ABRAXAS2: variants seen among roughly 807,000 people sequenced by gnomAD.
ABRAXAS2 encodes the protein BRISC complex subunit Abraxas 2.
ABRAXAS2 carries 23 observed loss-of-function variants against 49.0 expected under a neutral mutation model. The ratio of observed to expected loss-of-function variants is 0.47; its 90% CI spans 0.34 to 0.66. The LOEUF (loss-of-function observed/expected upper bound fraction) is 0.66. Ranked by LOEUF, ABRAXAS2 falls within the 30% of genes least tolerant of loss-of-function variation. ABRAXAS2 has a pLI of 0.01. For missense variants in ABRAXAS2, 443 were observed against 511.9 expected, an observed-to-expected ratio of 0.87 and a Z score of 1.30; for synonymous variants, 168 against 180.2, an observed-to-expected ratio of 0.93 and a Z score of 0.54.
Position 124,801,860 on chromosome 10 carries a change from A to G in ABRAXAS2, c.31A>G (p.Ser11Gly). ...GGCGTCCATTTCGGGCTACACCTTC[A>G]GTGCTGTGTGTTTCCACAGCGCCAA... MAASISGYTFSAVCFHSANSN... is the reference protein window; with the variant it reads MAASISGYTFGAVCFHSANSN... Residue 11 changes from serine to glycine, a missense_variant, in exon 1 of 9, where the codon AGT (serine) becomes GGT (glycine). Transcript: ENST00000298492. 6.2e-7 allele frequency: 1 copy of G among 1,613,400 alleles called. No individual in the cohort carries two copies. The highest frequency in any genetic ancestry group is 8.5e-7 in the Non-Finnish European group (1 of 1,179,800).
rs549215580 is a variant in ABRAXAS2, at chr10:124,835,254, G to A, written c.*283G>A. ...TTTAGGCAAAGTGAAACTTATCAGC[G>A]TAGTTTCTGTTCTTTAAAATAAATT... is the stretch of plus-strand genomic sequence containing the variant. On this transcript the variant is annotated 3_prime_UTR_variant, in exon 9 of 9. Transcript: ENST00000298492. 2.2e-5 allele frequency: 6 copies of A among 266,886 alleles called. No homozygotes were observed. In the East Asian group the frequency reaches 2.8e-4, roughly 13 times the overall value. 16.5% of individuals were successfully genotyped at this position (266,886 alleles called of 1,614,324 possible). A position where few individuals can be genotyped will look rare whatever the true frequency, so the allele number is the denominator to read the frequency against.
rs1031798356 is a variant in ABRAXAS2, at chr10:124,834,618, G to A, written c.895G>A (p.Ala299Thr). ...TGAAGGCAGAAGTACACTTGGAGAT[G>A]CAGAGGCCTCGGATCCTCCTCCCCC... ...AAEGRSTLGD[A>T]EASDPPPPYS... is the part of the protein sequence containing the mutation. Residue 299 changes from alanine to threonine, a missense_variant, in exon 9 of 9, where the codon GCA becomes ACA. Physicochemically the swap from Ala to Thr is moderately conservative, Grantham distance 58 (BLOSUM62 0). Around this residue, in one of 3 missense-constraint regions of ABRAXAS2, gnomAD observed 230 missense variants for 237.0 expected, o/e 0.97. Coordinates refer to ENST00000298492, the MANE Select transcript of ABRAXAS2 (RefSeq NM_032182.4). 2 of 1,614,052 alleles carry A rather than the reference G, an allele frequency of 1.2e-6. No individual in the cohort carries two copies. Among genetic ancestry groups the A allele is most frequent in the Non-Finnish European group, 1.7e-6 (2 of 1,180,032 alleles).
chr10:124,835,703 C>G lies in ABRAXAS2; in HGVS notation c.*732C>G, dbSNP rs1237818743. The stretch of plus-strand genomic sequence containing the variant: ...GGATTACAGTGACTACTGTGTTGCA[C>G]TGGCACATTTATGGTCTCTGTTCTG... On this transcript the variant is annotated 3_prime_UTR_variant, in exon 9 of 9. Coordinates refer to ENST00000298492, the MANE Select transcript of ABRAXAS2 (RefSeq NM_032182.4). 6.6e-6 allele frequency: 1 copy of G among 152,096 alleles called. No homozygotes were observed. The highest frequency in any genetic ancestry group is 1.5e-5 in the Non-Finnish European group (1 of 68,034). 9.4% of individuals were successfully genotyped at this position (152,096 alleles called of 1,614,324 possible).
chr10:124,824,068 C>G (rs1163160133), intron 4 of ABRAXAS2, among the ~76,000 whole-genome samples: 3 of 151,800 alleles, frequency 2.0e-5, no homozygotes, highest in Non-Finnish European at 4.4e-5. Flanking sequence ...CAGGCGTGTG[C>G]TTTTTAAATT....
intron 4 of ABRAXAS2, among the ~76,000 whole-genome samples, chr10:124,821,050 A>G (rs964844327): frequency 6.6e-6 from 1 of 151,646 alleles, no homozygotes; most frequent in African/African-American, 2.4e-5. Context: ...AGTAGCTGCA[A>G]CTACAGGTAT....
chr10:124,830,120 C>T (rs963513380), intron 7 of ABRAXAS2, among the ~76,000 whole-genome samples: 6 of 152,158 alleles, frequency 3.9e-5, no homozygotes, highest in African/African-American at 1.4e-4. Context: ...TGATGAAGCT[C>T]TCCCAGACCT....
At chr10:124,828,589 G>A (rs1950911549) in intron 5 of ABRAXAS2, among the ~76,000 whole-genome samples, 167 bp from the exon 6 acceptor site, 1 of 151,894 alleles carries the variant, frequency 6.6e-6, no homozygotes, top group African/African-American at 2.4e-5. Flanking sequence ...GCTGGCGTTG[G>A]TCTCGAACTC....
intron 8 of ABRAXAS2, among the ~76,000 whole-genome samples, chr10:124,833,418 TTG>T (rs1299958816): frequency 3.9e-5 from 6 of 152,016 alleles, no homozygotes; most frequent in Non-Finnish European, 8.8e-5. Flanking sequence ...TGAGCTGTGA[TTG>T]TGTCACTGCA....
intron 4 of ABRAXAS2, among the ~76,000 whole-genome samples, chr10:124,824,328 C>T (rs1333648828): frequency 1.3e-5 from 2 of 152,090 alleles, no homozygotes; most frequent in Admixed American, 6.5e-5. Context: ...TGGAGGTCAG[C>T]AGTTCGAGAC....
intron 2 of ABRAXAS2, among the ~76,000 whole-genome samples, chr10:124,813,496 G>A (rs372283204): frequency 1.8e-4 from 27 of 152,310 alleles, no homozygotes; most frequent in African/African-American, 5.8e-4. Flanking sequence ...AATGTGTGCC[G>A]AGAGGCGATG....
intron 2 of ABRAXAS2, among the ~76,000 whole-genome samples, chr10:124,810,018 G>C (rs375540899): frequency 1.3e-5 from 2 of 152,318 alleles, no homozygotes; most frequent in South Asian, 4.1e-4. Flanking sequence ...CTCCCAAAGT[G>C]CTGCGATTGC....
intron 3 of ABRAXAS2, among the ~76,000 whole-genome samples, chr10:124,818,362 C>G (rs995880297): frequency 4.7e-5 from 7 of 149,576 alleles, no homozygotes; most frequent in Non-Finnish European, 1.0e-4. Flanking sequence ...CGCCACTGCA[C>G]TCCAGCCTGG....
At chr10:124,818,461 C>G (rs868146766) in intron 3 of ABRAXAS2, among the ~76,000 whole-genome samples, 2 of 151,600 alleles carry the variant, frequency 1.3e-5, no homozygotes, top group East Asian at 3.9e-4. Flanking sequence ...TAGATAACAT[C>G]TGTCTATTCC....
At chr10:124,832,856 A>G (rs146735062) in intron 8 of ABRAXAS2, among the ~76,000 whole-genome samples, 1 of 151,514 alleles carries the variant, frequency 6.6e-6, no homozygotes, top group African/African-American at 2.4e-5. Context: ...AAAATAAAAT[A>G]AAATAAAGAG....
At chr10:124,812,725 A>G (rs1299367270) in intron 2 of ABRAXAS2, among the ~76,000 whole-genome samples, 1 of 152,210 alleles carries the variant, frequency 6.6e-6, no homozygotes, top group Non-Finnish European at 1.5e-5. Flanking sequence ...ACATTAGGAA[A>G]AGTGCATTGA....
In ABRAXAS2 at chr10:124,834,813, GC is replaced by G; in HGVS notation, c.1091del (p.Ala364GlufsTer17). 6.2e-7 allele frequency: 1 copy of G among 1,614,152 alleles called. No homozygotes were observed. The highest frequency in any genetic ancestry group is 8.5e-7 in the Non-Finnish European group (1 of 1,180,040). ...SGADLPPPQR[A>X]AGDSGEDSDD... is the part of the protein sequence containing the mutation. ...GGCTGACCTTCCTCCTCCCCAAAGAGCAGCTGGAGACAGTGGTGAGGATTCA... is the reference window on the plus strand; with the variant it reads ...GGCTGACCTTCCTCCTCCCCAAAGAGAGCTGGAGACAGTGGTGAGGATTCA... On this transcript the variant is annotated frameshift_variant, in exon 9 of 9. Transcript: ENST00000298492. LOFTEE classifies it high-confidence loss of function.
At chr10:124,829,301 A>G (rs1176428523) in intron 6 of ABRAXAS2, 92 bp from the exon 7 acceptor site, 13 of 830,886 alleles carry the variant, frequency 1.6e-5, no homozygotes, top group Non-Finnish European at 2.6e-5. Flanking sequence ...CACAGCATTT[A>G]AACAATAAAG....
chr10:124,807,434 C>T (rs964412655), intron 2 of ABRAXAS2, among the ~76,000 whole-genome samples: 2 of 151,616 alleles, frequency 1.3e-5, no homozygotes, highest in African/African-American at 2.4e-5. Flanking sequence ...AGGTGGATCA[C>T]CTGAAGTCAG....
At chr10:124,825,938 A>G (rs184116212) in intron 4 of ABRAXAS2, among the ~76,000 whole-genome samples, 1 of 152,348 alleles carries the variant, frequency 6.6e-6, no homozygotes, top group Admixed American at 6.5e-5. Flanking sequence ...TCTTTCAGAT[A>G]TCTCTGAAGT....
Sources: gnomAD v4.1 joint callset for allele counts (sites outside exome capture counted in the v4.1 genomes callset) on GRCh38, gnomAD v4.1.1 for gene constraint, gnomAD v4.1.1 regional missense constraint, MANE v1.5 for transcripts, NCBI Gene and HGNC (gene_info 2026-07-23, HGNC 2026-07-21) for gene names.